The following ERC2 variants were observed in gnomAD, a reference collection of about 807,000 sequenced individuals.
The protein encoded by ERC2 is ERC protein 2.
ERC2 carries 42 observed loss-of-function variants against 114.8 expected under a neutral mutation model. The ratio of observed to expected loss-of-function variants is 0.37; its 90% CI spans 0.29 to 0.47. ERC2 has a LOEUF of 0.47. Among genes scored for constraint, ERC2 ranks in the 20% least tolerant of loss-of-function variants. The pLI, the probability that ERC2 is intolerant of heterozygous loss-of-function variation, is 0.99. For missense variants in ERC2, 939 were observed against 1,150.7 expected (o/e 0.82, Z 2.66); for synonymous variants, 454 against 425.5 (o/e 1.07, Z -0.82).
chr3:55,707,707 T>G (rs749090320), intron 15 of ERC2, among the ~76,000 whole-genome samples: 3 of 152,238 alleles, frequency 2.0e-5, no homozygotes, highest in Admixed American at 6.5e-5. Flanking sequence ...AACAACACTG[T>G]GTTGGCATCA....
intron 10 of ERC2, among the ~76,000 whole-genome samples, chr3:56,000,100 T>C (rs2071915833): frequency 6.6e-6 from 1 of 151,922 alleles, no homozygotes; most frequent in Non-Finnish European, 1.5e-5. Flanking sequence ...TAAAATAGTA[T>C]CAAGATCAGT....
chr3:55,705,345 A>G (rs1483799733), intron 15 of ERC2, among the ~76,000 whole-genome samples: 1 of 152,166 alleles, frequency 6.6e-6, no homozygotes. Context: ...TCACCTTGAG[A>G]GGAAAGCAGG....
intron 2 of ERC2, among the ~76,000 whole-genome samples, chr3:56,419,539 T>G (rs1490730624): frequency 6.6e-6 from 1 of 152,238 alleles, no homozygotes; most frequent in Non-Finnish European, 1.5e-5. Context: ...AGTTTCCATC[T>G]TACCAATGTA....
chr3:55,705,152 G>A (rs2063416807), intron 15 of ERC2, among the ~76,000 whole-genome samples: 1 of 152,190 alleles, frequency 6.6e-6, no homozygotes, highest in Admixed American at 6.5e-5. Context: ...AGAAGAGGAG[G>A]AGGAGAGAAG....
chr3:55,970,745 T>C (rs1393158306), intron 12 of ERC2, among the ~76,000 whole-genome samples: 1 of 152,178 alleles, frequency 6.6e-6, no homozygotes, highest in Non-Finnish European at 1.5e-5. Context: ...CTAGCGGGAA[T>C]GTAAAATGGC....
At chr3:56,412,181 A>G (rs1011300412) in intron 2 of ERC2, among the ~76,000 whole-genome samples, 1 of 152,220 alleles carries the variant, frequency 6.6e-6, no homozygotes, top group Non-Finnish European at 1.5e-5. Context: ...AGAGACTACA[A>G]TGCTGCGTCA....
rs1560055901 is a variant in ERC2, at chr3:56,032,890, AGAGAGAGAG to A, written c.1642-13868_1642-13860del. Among the ~76,000 whole-genome samples, 19 of 109,644 alleles carry A rather than the reference AGAGAGAGAG, an allele frequency of 1.7e-4. 1 individual carries two copies. In the East Asian group the frequency reaches 4.1e-3, roughly 23 times the overall value. The allele number at this position is 109,644 out of a possible 152,430, so 71.9% of individuals were successfully genotyped here. ...AAGAAAGAAAGAAAGAAAGAAAGAG[AGAGAGAGAG>A]ACAGAAAGAAAGAAAGAAAGAAAGA... On this transcript the variant is annotated intron_variant, in intron 7 of 17. Coordinates refer to ENST00000288221, the MANE Select transcript of ERC2 (RefSeq NM_015576.3).
chr3:55,767,995 G>C (rs2067932165), intron 14 of ERC2, among the ~76,000 whole-genome samples: 1 of 152,134 alleles, frequency 6.6e-6, no homozygotes, highest in African/African-American at 2.4e-5. Context: ...TCTCATAATA[G>C]TGAGTTCTCA....
In ERC2 at chr3:56,271,082, T is replaced by C. The variant is rs568696328; in HGVS notation, c.1074+24937A>G. ...AAACTTAAGTGGGAAAATCACACTC[T>C]CATTCAAACTGTTCAAAATACAGGT... On this transcript the variant is annotated intron_variant, in intron 3 of 17. Coordinates refer to ENST00000288221, the MANE Select transcript of ERC2 (RefSeq NM_015576.3). 7.9e-5 allele frequency among the ~76,000 whole-genome samples: 12 copies of C among 152,356 alleles called. No individual in the cohort carries two copies. The South Asian group carries it at 2.5e-3, about 32-fold the overall frequency.
chr3:56,367,977 T>C (rs1156831030), intron 2 of ERC2, among the ~76,000 whole-genome samples: 2 of 132,620 alleles, frequency 1.5e-5, no homozygotes, highest in Non-Finnish European at 3.2e-5. Flanking sequence ...GTGTAAAAGG[T>C]AGGACAAATT....
At position 56,024,848 on chromosome 3, in the gene ERC2, A is replaced by G. The variant is rs567625099; in HGVS notation, c.1642-5817T>C. Among the ~76,000 whole-genome samples, 11 of 152,328 alleles carry G rather than the reference A, an allele frequency of 7.2e-5. No homozygotes were observed. In the South Asian group the frequency reaches 2.3e-3, roughly 32 times the overall value. On this transcript the variant is annotated intron_variant, in intron 7 of 17. Coordinates refer to ENST00000288221, the MANE Select transcript of ERC2 (RefSeq NM_015576.3). ...GACAAGGTTAAGGTTTGACTCAGAC[A>G]CTTCTCCAAATATGGTCCCGGCAAC...
intron 13 of ERC2, among the ~76,000 whole-genome samples, chr3:55,943,487 G>T (rs1249699267): frequency 6.6e-6 from 1 of 151,464 alleles, no homozygotes; most frequent in Non-Finnish European, 1.5e-5. Flanking sequence ...GAAACCTGAG[G>T]CTTGGTCTAA....
At chr3:56,218,463 T>C (rs2049655936) in intron 3 of ERC2, among the ~76,000 whole-genome samples, 1 of 152,174 alleles carries the variant, frequency 6.6e-6, no homozygotes, top group Non-Finnish European at 1.5e-5. Context: ...CCAGTTAGAA[T>C]GGCGATCATT....
intron 12 of ERC2, among the ~76,000 whole-genome samples, chr3:55,954,847 AAT>A (rs144793627): frequency 6.6e-6 from 1 of 151,382 alleles, no homozygotes. Flanking sequence ...CATGTGCACA[AAT>A]ATATATATAT....
chr3:56,181,962 T>C (rs548786442), intron 3 of ERC2, among the ~76,000 whole-genome samples: 34 of 152,272 alleles, frequency 2.2e-4, no homozygotes, highest in Non-Finnish European at 4.1e-4. Context: ...AACAGCCTGA[T>C]TGCAACCTCA....
chr3:56,271,879 T>C (rs2053675701), intron 3 of ERC2, among the ~76,000 whole-genome samples: 1 of 152,148 alleles, frequency 6.6e-6, no homozygotes, highest in Admixed American at 6.6e-5. Context: ...TTAGTTTGCT[T>C]AGGATGATGG....
At chr3:56,204,507 T>TTTTATTTTAC (rs1250853799) in intron 3 of ERC2, among the ~76,000 whole-genome samples, 2 of 150,712 alleles carry the variant, frequency 1.3e-5, no homozygotes, top group Non-Finnish European at 2.9e-5. Flanking sequence ...TTTTATTTTA[T>TTTTATTTTAC]TTTATTTTAT....
chr3:55,743,572 A>T (rs2066106514), intron 14 of ERC2, among the ~76,000 whole-genome samples: 1 of 128,222 alleles, frequency 7.8e-6, no homozygotes, highest in Non-Finnish European at 1.6e-5. Flanking sequence ...GGCATTGCTC[A>T]TTACTATGTG....
intron 14 of ERC2, among the ~76,000 whole-genome samples, chr3:55,842,781 GTCC>G (rs1295356085): frequency 6.6e-6 from 1 of 152,012 alleles, no homozygotes; most frequent in African/African-American, 2.4e-5. Flanking sequence ...TTGGCTTTCT[GTCC>G]TCCTATTTCT....
Sources: allele counts gnomAD v4.1 joint callset (sites outside exome capture counted in the v4.1 genomes callset), GRCh38; gene constraint gnomAD v4.1.1; transcripts MANE v1.5; gene names NCBI Gene and HGNC (gene_info 2026-07-23, HGNC 2026-07-21).